Variants in EPHA6 observed in about 807,000 individuals in gnomAD.
EPHA6 encodes the protein ephrin type-A receptor 6.
In EPHA6, 50 loss-of-function variants were observed where a neutral mutation model predicts 112.0. That is an observed-to-expected ratio of 0.45 (90% CI 0.36 to 0.56). EPHA6 has a LOEUF of 0.56. EPHA6 is among the 20% of genes least tolerant of loss of function. EPHA6 has a pLI of 0.00. For synonymous variants in EPHA6, 529 were observed against 490.7 expected (o/e 1.08, Z -1.03); for missense variants, 1,280 against 1,417.4 (o/e 0.90, Z 1.56).
At chr3:97,395,862 A>G (rs78029658) in intron 5 of EPHA6, among the ~76,000 whole-genome samples, 1,781 of 151,840 alleles carry the variant, frequency 0.012, 36 homozygotes, top group African/African-American at 0.04. Context: ...AAGAGAAAAA[A>G]GGAGAGAAAA....
intron 5 of EPHA6, among the ~76,000 whole-genome samples, chr3:97,253,306 T>A (rs144681036): frequency 6.6e-6 from 1 of 152,158 alleles, no homozygotes; most frequent in Admixed American, 6.5e-5. Flanking sequence ...ATTTATTCTG[T>A]TAGGTAGTAA....
intron 5 of EPHA6, among the ~76,000 whole-genome samples, chr3:97,316,390 T>C (rs1002635533): frequency 2.0e-5 from 3 of 151,926 alleles, no homozygotes; most frequent in Non-Finnish European, 4.4e-5. Flanking sequence ...TTGTGACCCC[T>C]GCCCAGGAAC....
intron 3 of EPHA6, among the ~76,000 whole-genome samples, chr3:97,188,488 C>T (rs1455692491): frequency 1.3e-5 from 2 of 151,620 alleles, no homozygotes; most frequent in Non-Finnish European, 2.9e-5. Context: ...AGTAGCAAAA[C>T]AAAGAAGAGG....
At chr3:97,087,984 C>A (rs1303587653) in intron 3 of EPHA6, among the ~76,000 whole-genome samples, 4 of 151,998 alleles carry the variant, frequency 2.6e-5, no homozygotes, top group African/African-American at 9.7e-5. Context: ...GAGATCGAGA[C>A]CATCTGGCCA....
chr3:97,027,576 G>A (rs1395142849), intron 3 of EPHA6, among the ~76,000 whole-genome samples: 1 of 152,126 alleles, frequency 6.6e-6, no homozygotes, highest in Admixed American at 6.5e-5. Flanking sequence ...GTGTCAGTAG[G>A]ATTTTAGCTA....
chr3:97,354,685 G>C (rs1179201006), intron 5 of EPHA6, among the ~76,000 whole-genome samples: 2 of 152,244 alleles, frequency 1.3e-5, no homozygotes, highest in South Asian at 4.1e-4. Context: ...GGGGTAGAAA[G>C]TTTATTCAAA....
intron 2 of EPHA6, among the ~76,000 whole-genome samples, chr3:96,977,468 G>A (rs2107803541): frequency 6.6e-6 from 1 of 152,128 alleles, no homozygotes; most frequent in East Asian, 1.9e-4. Flanking sequence ...TCACCAATAT[G>A]CAATATATTA....
At chr3:97,269,773 A>T (rs1350572474) in intron 5 of EPHA6, among the ~76,000 whole-genome samples, 2 of 152,198 alleles carry the variant, frequency 1.3e-5, no homozygotes, top group Non-Finnish European at 2.9e-5. Flanking sequence ...ACAAAGTCCC[A>T]GTTTATTAAG....
intron 5 of EPHA6, among the ~76,000 whole-genome samples, chr3:97,330,189 G>A (rs1365689756): frequency 6.6e-6 from 1 of 151,910 alleles, no homozygotes; most frequent in Non-Finnish European, 1.5e-5. Context: ...CTCTGTTTTG[G>A]TACCAGTACC....
At chr3:96,851,403 A>G (rs1415606170) in intron 1 of EPHA6, among the ~76,000 whole-genome samples, 4 of 152,102 alleles carry the variant, frequency 2.6e-5, no homozygotes, top group African/African-American at 7.2e-5. Flanking sequence ...TGTGGCCTTG[A>G]TCAGTTAGTA....
chr3:97,351,638 T>C (rs2083818925), intron 5 of EPHA6, among the ~76,000 whole-genome samples: 1 of 152,192 alleles, frequency 6.6e-6, no homozygotes. Flanking sequence ...TCTACTGTGA[T>C]GAATTTTAAA....
chr3:97,502,486 C>A (rs1336469652), intron 10 of EPHA6, among the ~76,000 whole-genome samples: 1 of 151,734 alleles, frequency 6.6e-6, no homozygotes, highest in Non-Finnish European at 1.5e-5. Context: ...TGCTCTTATA[C>A]AAGAAACAAT....
At chr3:97,338,671 T>C (rs140646849) in intron 5 of EPHA6, among the ~76,000 whole-genome samples, 38 of 152,294 alleles carry the variant, frequency 2.5e-4, no homozygotes, top group African/African-American at 9.1e-4. Flanking sequence ...AATTGAGATA[T>C]GTCACTTGCC....
chr3:97,530,557 G>A (rs2092684250), intron 10 of EPHA6, among the ~76,000 whole-genome samples: 1 of 149,436 alleles, frequency 6.7e-6, no homozygotes, highest in Admixed American at 6.7e-5. Flanking sequence ...TTTCAGTGAA[G>A]TCAGGAAATT....
intron 3 of EPHA6, among the ~76,000 whole-genome samples, chr3:96,991,915 A>C (rs1289781215): frequency 6.6e-6 from 1 of 152,114 alleles, no homozygotes; most frequent in Non-Finnish European, 1.5e-5. Flanking sequence ...GTCCATTGTG[A>C]TTGTGAAGTG....
intron 13 of EPHA6, among the ~76,000 whole-genome samples, chr3:97,625,941 C>T (rs2093853071): frequency 6.6e-6 from 1 of 151,660 alleles, no homozygotes; most frequent in Admixed American, 6.6e-5. Flanking sequence ...TTATGAGGAA[C>T]ATGCATAAAT....
Position 97,759,702 on chromosome 3 carries a change from C to G in EPHA6, c.*11001C>G, listed in dbSNP as rs1030007800. ...TGGTAGAAAGGGAAGGATGTCACTA[C>G]GTAAGTTTTTTTTTAATTTTACCAA... On this transcript the variant is annotated 3_prime_UTR_variant, in exon 18 of 18. Transcript: ENST00000389672. 8.8e-6 allele frequency: 2 copies of G among 227,082 alleles called. No homozygotes were observed. Among genetic ancestry groups the G allele is most frequent in the Non-Finnish European group, 1.7e-5 (2 of 114,556 alleles). The allele number at this position is 227,082 out of a possible 1,614,324, so 14.1% of individuals were successfully genotyped here. A position where few individuals can be genotyped will look rare whatever the true frequency, so the allele number is the denominator to read the frequency against.
At chr3:97,380,430 T>C (rs1026099518) in intron 5 of EPHA6, among the ~76,000 whole-genome samples, 3 of 152,162 alleles carry the variant, frequency 2.0e-5, no homozygotes, top group African/African-American at 7.2e-5. Flanking sequence ...TACAATATAG[T>C]GCACACAAGA....
intron 13 of EPHA6, among the ~76,000 whole-genome samples, chr3:97,632,156 G>A (rs927656163): frequency 1.3e-5 from 2 of 151,984 alleles, no homozygotes; most frequent in African/African-American, 4.8e-5. Flanking sequence ...ATCTCCTATA[G>A]TAAATATGAC....
Sources: allele counts gnomAD v4.1 joint callset (sites outside exome capture counted in the v4.1 genomes callset), GRCh38; gene constraint gnomAD v4.1.1; transcripts MANE v1.5; gene names NCBI Gene and HGNC (gene_info 2026-07-23, HGNC 2026-07-21).